Variants in SLC4A10 observed in about 807,000 individuals in gnomAD.
SLC4A10 encodes the protein solute carrier family 4 member 10.
Under a neutral mutation model 137.7 loss-of-function variants are expected in SLC4A10, and 42 were observed. That is an observed-to-expected ratio of 0.30 (90% CI 0.24 to 0.39). SLC4A10 has a LOEUF of 0.39. SLC4A10 is among the 10% of genes least tolerant of loss of function. The pLI is 1.00. For synonymous variants in SLC4A10, 474 were observed against 464.1 expected, an observed-to-expected ratio of 1.02 and a Z score of -0.27; for missense variants, 925 against 1,355.0, an observed-to-expected ratio of 0.68 and a Z score of 4.98.
At chr2:161,752,213 A>G (rs1362721217) in intron 1 of SLC4A10, among the ~76,000 whole-genome samples, 1 of 152,024 alleles carries the variant, frequency 6.6e-6, no homozygotes, top group Admixed American at 6.6e-5. Flanking sequence ...TGTACCTTCC[A>G]TAATTTATTG....
chr2:161,880,396 C>G (rs1361270073), intron 9 of SLC4A10, among the ~76,000 whole-genome samples: 6 of 152,086 alleles, frequency 3.9e-5, no homozygotes, highest in Non-Finnish European at 8.8e-5. Context: ...AAATATTCTA[C>G]AACTATGGAA....
At chr2:161,702,811 T>A (rs2043261815) in intron 1 of SLC4A10, among the ~76,000 whole-genome samples, 1 of 151,866 alleles carries the variant, frequency 6.6e-6, no homozygotes, top group South Asian at 2.1e-4. Context: ...GTATGTTCTC[T>A]ATGGATCAGC....
At position 161,723,652 on chromosome 2, in the gene SLC4A10, G is replaced by T. The variant is rs375681372; in HGVS notation, c.49-47321G>T. Among the ~76,000 whole-genome samples, 203 of 152,188 alleles carry T rather than the reference G, an allele frequency of 1.3e-3. 4 individuals are homozygous for T. In the South Asian group the frequency reaches 0.04, roughly 30 times the overall value. Reference sequence around the variant, plus strand: ...CTGATCTATATCCATGATTTAAATCGACTGTTGGTGGCTCTTAATAGTGAC... The same window carrying T: ...CTGATCTATATCCATGATTTAAATCTACTGTTGGTGGCTCTTAATAGTGAC... On this transcript the variant is annotated intron_variant, in intron 1 of 26. Coordinates refer to ENST00000446997, the MANE Select transcript of SLC4A10 (RefSeq NM_001178015.2).
chr2:161,785,038 A>T (rs561223425), intron 2 of SLC4A10, among the ~76,000 whole-genome samples: 81 of 151,684 alleles, frequency 5.3e-4, no homozygotes, highest in Middle Eastern at 3.2e-3. Flanking sequence ...TATAAATCAT[A>T]TATTAAAGAG....
Position 161,894,714 on chromosome 2 carries a change from T to C in SLC4A10, c.1230T>C (p.Arg410=), listed in dbSNP as rs751578060. 2 of 1,441,506 alleles carry C rather than the reference T, an allele frequency of 1.4e-6. No individual in the cohort carries two copies. Among genetic ancestry groups the C allele is most frequent in the South Asian group, 3.5e-5 (2 of 56,778 alleles). 89.3% of individuals were successfully genotyped at this position (1,441,506 alleles called of 1,614,324 possible). The stretch of plus-strand genomic sequence containing the variant: ...ATGTTGCCTATAAAGCTAAAGATCG[T>C]AATGACTTGGTATCAGGAATTGATG... The part of the protein sequence containing the change: ...FHDVAYKAKD[R]NDLVSGIDEF... Residue 410 remains arginine, a synonymous_variant, in exon 11 of 27, where the codon CGT becomes CGC. Transcript: ENST00000446997.
intron 1 of SLC4A10, among the ~76,000 whole-genome samples, chr2:161,638,538 T>C (rs1486009622): frequency 6.6e-6 from 1 of 152,166 alleles, no homozygotes; most frequent in Non-Finnish European, 1.5e-5. Flanking sequence ...TTTTGCAGTG[T>C]ATTTTGAAGT....
At chr2:161,634,413 T>C (rs1373619693) in intron 1 of SLC4A10, among the ~76,000 whole-genome samples, 1 of 151,914 alleles carries the variant, frequency 6.6e-6, no homozygotes, top group African/African-American at 2.4e-5. Context: ...AGTTTCCCTT[T>C]GTAATAATAT....
At chr2:161,698,119 G>A (rs2042736801) in intron 1 of SLC4A10, among the ~76,000 whole-genome samples, 1 of 152,062 alleles carries the variant, frequency 6.6e-6, no homozygotes, top group African/African-American at 2.4e-5. Flanking sequence ...GTCTGTTATT[G>A]GTGTATAAGA....
chr2:161,823,670 T>G (rs773649224), intron 3 of SLC4A10, among the ~76,000 whole-genome samples: 1 of 152,214 alleles, frequency 6.6e-6, no homozygotes, highest in African/African-American at 2.4e-5. Flanking sequence ...TTCAGGCAGA[T>G]AACATAAAAA....
chr2:161,902,185 G>T, intron 12 of SLC4A10: 1 of 422,850 alleles, frequency 2.4e-6, no homozygotes, highest in Non-Finnish European at 4.7e-6. Context: ...CCCACTTCCG[G>T]ATTTAGATTT....
At chr2:161,747,345 G>A (rs1041518523) in intron 1 of SLC4A10, among the ~76,000 whole-genome samples, 9 of 152,116 alleles carry the variant, frequency 5.9e-5, no homozygotes, top group Non-Finnish European at 1.2e-4. Context: ...GGGCAGCACT[G>A]TGTTCCAATG....
intron 1 of SLC4A10, among the ~76,000 whole-genome samples, chr2:161,687,235 G>T (rs552053329): frequency 4.6e-5 from 7 of 152,216 alleles, no homozygotes; most frequent in African/African-American, 1.7e-4. Flanking sequence ...GTGGAAAAAA[G>T]AGTTACAAAT....
chr2:161,694,223 A>C (rs1467548685), intron 1 of SLC4A10, among the ~76,000 whole-genome samples: 1 of 151,994 alleles, frequency 6.6e-6, no homozygotes, highest in Non-Finnish European at 1.5e-5. Context: ...AAATATTTGC[A>C]TTTAGGGATT....
chr2:161,832,889 T>C (rs561258948), intron 3 of SLC4A10, among the ~76,000 whole-genome samples: 117 of 152,220 alleles, frequency 7.7e-4, no homozygotes, highest in African/African-American at 2.6e-3. Flanking sequence ...TACAGGCGCC[T>C]GCCACCACGC....
chr2:161,881,208 A>G (rs901364453), intron 9 of SLC4A10, among the ~76,000 whole-genome samples: 2 of 152,090 alleles, frequency 1.3e-5, no homozygotes, highest in African/African-American at 4.8e-5. Flanking sequence ...TAGAAAGGTC[A>G]GAAAATAATC....
intron 1 of SLC4A10, among the ~76,000 whole-genome samples, chr2:161,694,972 C>T (rs1341192753): frequency 6.6e-6 from 1 of 151,834 alleles, no homozygotes; most frequent in Non-Finnish European, 1.5e-5. Context: ...GTCAACACTC[C>T]ATTTAATTCT....
intron 16 of SLC4A10, among the ~76,000 whole-genome samples, chr2:161,947,124 G>A (rs1312924007): frequency 6.6e-6 from 1 of 151,970 alleles, no homozygotes; most frequent in African/African-American, 2.4e-5. Context: ...CCTCAGACAT[G>A]GAATATTAAT....
intron 3 of SLC4A10, among the ~76,000 whole-genome samples, chr2:161,807,465 A>G (rs574363101): frequency 6.6e-6 from 1 of 151,576 alleles, no homozygotes; most frequent in African/African-American, 2.4e-5. Flanking sequence ...AACCATATTC[A>G]CTCCATCCCT....
intron 26 of SLC4A10, among the ~76,000 whole-genome samples, chr2:161,982,010 G>A (rs1029733082): frequency 1.3e-5 from 2 of 152,232 alleles, no homozygotes; most frequent in Non-Finnish European, 2.9e-5. Flanking sequence ...CTTAGAATGT[G>A]TCTAAGTTAT....
Sources: allele counts gnomAD v4.1 joint callset (sites outside exome capture counted in the v4.1 genomes callset), GRCh38; gene constraint gnomAD v4.1.1; transcripts MANE v1.5; gene names NCBI Gene and HGNC (gene_info 2026-07-23, HGNC 2026-07-21).